VTCN1: variants seen among roughly 807,000 people sequenced by gnomAD.
The protein encoded by VTCN1 is V-set domain containing T cell activation inhibitor 1, also known as V-set domain-containing T-cell activation inhibitor 1.
Under a neutral mutation model 26.5 loss-of-function variants are expected in VTCN1, and 26 were observed. The observed-to-expected ratio is 0.98, with a 90% CI of 0.72 to 1.36. VTCN1 has a LOEUF of 1.36. Ranked by LOEUF, VTCN1 falls within the 40% of genes most tolerant of loss-of-function variation. The probability of loss-of-function intolerance (pLI) is 0.00; values close to 1 mark genes in which losing one functional copy is unlikely to be tolerated. For missense variants in VTCN1, 298 were observed against 337.7 expected (o/e 0.88, Z 0.92); for synonymous variants, 116 against 130.7 (o/e 0.89, Z 0.77).
At position 117,183,229 on chromosome 1, in the gene VTCN1, G is replaced by A. The variant is rs1282516706; in HGVS notation, c.33-13058C>T. On this transcript the variant is annotated intron_variant, in intron 1 of 5. Transcript: ENST00000369458. This position sits in a 1 kb window ranked among gnomAD's most constrained non-coding sequence, Gnocchi z 4.1. Reference sequence around the variant, plus strand: ...ACGCCAGGCTGCTTCTTGCCTCCATGCCTTCGTTCCTATTATTTTTCAAGT... The same window carrying A: ...ACGCCAGGCTGCTTCTTGCCTCCATACCTTCGTTCCTATTATTTTTCAAGT... Among the ~76,000 whole-genome samples the A allele has an allele frequency of 6.6e-6, 1 of 152,134 alleles. No homozygotes were observed. Among genetic ancestry groups the A allele is most frequent in the African/African-American group, 2.4e-5 (1 of 41,416 alleles).
chr1:117,207,447 C>T (rs140380058), intron 1 of VTCN1, among the ~76,000 whole-genome samples: 12 of 152,214 alleles, frequency 7.9e-5, no homozygotes, highest in African/African-American at 2.9e-4. Context: ...TTCCCTGACC[C>T]CCCTCTTCCT....
chr1:117,166,761 T>G (rs1303963117), intron 2 of VTCN1, among the ~76,000 whole-genome samples: 1 of 151,830 alleles, frequency 6.6e-6, no homozygotes, highest in Non-Finnish European at 1.5e-5. Context: ...TCCAAAATAT[T>G]TGGTTTATCA....
chr1:117,193,594 A>G (rs1408456745), intron 1 of VTCN1, among the ~76,000 whole-genome samples: 1 of 152,164 alleles, frequency 6.6e-6, no homozygotes, highest in Non-Finnish European at 1.5e-5. Context: ...GCATCTAAAT[A>G]TATAAAGCAA....
intron 4 of VTCN1, among the ~76,000 whole-genome samples, chr1:117,148,976 A>G (rs1049924044): frequency 2.0e-5 from 3 of 152,132 alleles, no homozygotes; most frequent in African/African-American, 4.8e-5. Flanking sequence ...ACAAAAAGAA[A>G]AAGGAGGAGC....
At chr1:117,177,757 C>T (rs1386488689) in intron 1 of VTCN1, among the ~76,000 whole-genome samples, 4 of 151,760 alleles carry the variant, frequency 2.6e-5, no homozygotes, top group African/African-American at 9.7e-5. Context: ...GGTCCCAACA[C>T]TGTAAAACTA....
At chr1:117,173,820 A>C (rs1653054094) in intron 1 of VTCN1, among the ~76,000 whole-genome samples, 2 of 152,242 alleles carry the variant, frequency 1.3e-5, no homozygotes. Flanking sequence ...GCCCTTGCCA[A>C]GAAGAGGGGG....
At chr1:117,173,610 C>T (rs1653046405) in intron 1 of VTCN1, among the ~76,000 whole-genome samples, 1 of 152,186 alleles carries the variant, frequency 6.6e-6, no homozygotes, top group African/African-American at 2.4e-5. Flanking sequence ...TTTGTTACAA[C>T]AGCACTAGCA....
At chr1:117,164,488 C>T (rs968502583) in intron 2 of VTCN1, among the ~76,000 whole-genome samples, 2 of 151,794 alleles carry the variant, frequency 1.3e-5, no homozygotes, top group Non-Finnish European at 2.9e-5. Flanking sequence ...TGTGCAGTTC[C>T]TAGGAGGTGC....
chr1:117,154,783 C>CAAAAAAAAAAAAAAA (rs916361996), intron 3 of VTCN1, among the ~76,000 whole-genome samples: 1 of 39,896 alleles, frequency 2.5e-5, no homozygotes, highest in Non-Finnish European at 5.5e-5. Flanking sequence ...AACTCCATCT[C>CAAAAAAAAAAAAAAA]AAAAAAAAAA....
chr1:117,153,517 C>T, intron 3 of VTCN1, 148 bp from the exon 4 acceptor site: 1 of 839,140 alleles, frequency 1.2e-6, no homozygotes, highest in East Asian at 2.7e-5. Context: ...CAGAGGTCCA[C>T]CTGTGTATAG....
At chr1:117,198,090 A>T (rs1443414141) in intron 1 of VTCN1, among the ~76,000 whole-genome samples, 5 of 152,194 alleles carry the variant, frequency 3.3e-5, no homozygotes, top group African/African-American at 1.2e-4. Context: ...AACCTTACTC[A>T]GCTACAGTTA....
In VTCN1 at chr1:117,156,737, A is replaced by G; in HGVS notation, c.282T>C (p.Asp94=). 1 of 1,614,140 alleles carries G rather than the reference A, an allele frequency of 6.2e-7. No homozygotes were observed. Among genetic ancestry groups the G allele is most frequent in the Non-Finnish European group, 8.5e-7 (1 of 1,180,006 alleles). Residue 94 remains aspartate, a synonymous_variant, in exon 3 of 6, where the codon GAT becomes GAC. Coordinates refer to ENST00000369458, the MANE Select transcript of VTCN1 (RefSeq NM_024626.4). ...CTGCTGTCCGGCCTCTGAACATTTC[A>G]TCCTGCTCCGACAGCTCATCTTTGC... ...KEGKDELSEQ[D]EMFRGRTAVF...
At chr1:117,153,809 C>G (rs914919574) in intron 3 of VTCN1, among the ~76,000 whole-genome samples, 2 of 152,146 alleles carry the variant, frequency 1.3e-5, no homozygotes, top group Non-Finnish European at 2.9e-5. Flanking sequence ...AAGAAACAAA[C>G]AGCATTCATC....
intron 1 of VTCN1, 86 bp from the exon 2 acceptor site, chr1:117,170,257 G>C: frequency 8.0e-7 from 1 of 1,253,854 alleles, no homozygotes; most frequent in Non-Finnish European, 1.2e-6. Context: ...ATCTGTTGTG[G>C]ATAAGATGAG....
intron 1 of VTCN1, among the ~76,000 whole-genome samples, chr1:117,179,170 T>C (rs1647551835): frequency 6.6e-6 from 1 of 152,178 alleles, no homozygotes; most frequent in Non-Finnish European, 1.5e-5. Context: ...GATAATTCTT[T>C]GTTATTGGGG....
rs570889456 is a variant in VTCN1, at chr1:117,161,896, A to G, written c.98-4975T>C. On this transcript the variant is annotated intron_variant, in intron 2 of 5. Transcript: ENST00000369458. This position sits in a 1 kb window ranked among gnomAD's most constrained non-coding sequence, Gnocchi z 4.3. ...ATTGAAAGATTACTTCTCAGAAAAA[A>G]TACATGATTAGCACAGTTTATGGAG... Among the ~76,000 whole-genome samples the G allele has an allele frequency of 2.0e-5, 3 of 152,344 alleles. 1 individual carries two copies. The South Asian group carries it at 6.2e-4, about 32-fold the overall frequency.
intron 1 of VTCN1, among the ~76,000 whole-genome samples, chr1:117,190,984 A>T (rs1054711896): frequency 6.6e-6 from 1 of 152,236 alleles, no homozygotes; most frequent in Admixed American, 6.5e-5. Flanking sequence ...AAGAAGCTCA[A>T]TGAGATGCAC....
intron 1 of VTCN1, chr1:117,173,390 A>ACAC: frequency 9.0e-6 from 4 of 444,146 alleles, no homozygotes; most frequent in South Asian, 7.4e-5. Flanking sequence ...ACACACACAC[A>ACAC]ACACCATGTA....
chr1:117,150,069 T>C, intron 4 of VTCN1, among the ~76,000 whole-genome samples: 1 of 152,228 alleles, frequency 6.6e-6, no homozygotes, highest in Non-Finnish European at 1.5e-5. Context: ...AGCTTTTTAC[T>C]GGGAACTGGA....
Sources: gnomAD v4.1 joint callset for allele counts (sites outside exome capture counted in the v4.1 genomes callset) on GRCh38, gnomAD v4.1.1 for gene constraint, Gnocchi (gnomAD v3.1) non-coding constraint, MANE v1.5 for transcripts, NCBI Gene and HGNC (gene_info 2026-07-23, HGNC 2026-07-21) for gene names.